The following GLCE variants were observed in gnomAD, a reference collection of about 807,000 sequenced individuals.
The protein encoded by GLCE is D-glucuronyl C5-epimerase.
A neutral mutation model predicts 47.9 loss-of-function variants in GLCE; 19 were observed. The ratio of observed to expected loss-of-function variants is 0.40; its 90% CI spans 0.28 to 0.58. The LOEUF is 0.58. GLCE is among the 20% of genes least tolerant of loss of function. The pLI is 0.48. For synonymous variants in GLCE, 245 were observed against 263.4 expected, an observed-to-expected ratio of 0.93 and a Z score of 0.68; for missense variants, 556 against 743.3, an observed-to-expected ratio of 0.75 and a Z score of 2.93.
intron 2 of GLCE, among the ~76,000 whole-genome samples, chr15:69,241,636 T>C (rs2052672993): frequency 6.6e-6 from 1 of 152,236 alleles, no homozygotes; most frequent in Non-Finnish European, 1.5e-5. Context: ...TAGTACCTAC[T>C]TTATGCATAT....
At position 69,204,394 on chromosome 15, in the gene GLCE, T is replaced by C. The variant is rs139619355; in HGVS notation, c.-104-5922T>C. On this transcript the variant is annotated intron_variant, in intron 1 of 4. Coordinates refer to ENST00000261858, the MANE Select transcript of GLCE (RefSeq NM_015554.3). ...GTCTCCCAGGCTTAAGTGATTCTCA[T>C]GACTCAGCCTCCCGAGTAGCTGGGA... Among the ~76,000 whole-genome samples the C allele has an allele frequency of 1.7e-4, 25 of 150,918 alleles. No individual in the cohort carries two copies. The Admixed American group carries it at 1.7e-3, about 10-fold the overall frequency.
chr15:69,247,765 G>A (rs2052773305), intron 2 of GLCE, among the ~76,000 whole-genome samples: 3 of 152,132 alleles, frequency 2.0e-5, no homozygotes, highest in Admixed American at 2.0e-4. Context: ...AAATAGCAAG[G>A]CCCAAGGAGA....
At chr15:69,267,042 A>G (rs1427886310) in intron 4 of GLCE, among the ~76,000 whole-genome samples, 1 of 139,620 alleles carries the variant, frequency 7.2e-6, no homozygotes, top group Non-Finnish European at 1.6e-5. Flanking sequence ...TACTACGTAT[A>G]TTTTTGTTGT....
intron 4 of GLCE, among the ~76,000 whole-genome samples, chr15:69,267,103 A>G (rs1231598464): frequency 7.2e-5 from 11 of 152,208 alleles, no homozygotes; most frequent in Non-Finnish European, 1.5e-4. Context: ...GTTTCTTGGT[A>G]GATCTAGATG....
chr15:69,236,888 G>A (rs1162726460), intron 2 of GLCE, among the ~76,000 whole-genome samples: 2 of 152,018 alleles, frequency 1.3e-5, no homozygotes, highest in Non-Finnish European at 2.9e-5. Flanking sequence ...GAATTAAGTG[G>A]GATTACATTA....
intron 1 of GLCE, among the ~76,000 whole-genome samples, chr15:69,193,526 T>C (rs1477445517): frequency 1.3e-5 from 2 of 152,150 alleles, no homozygotes; most frequent in Non-Finnish European, 2.9e-5. Flanking sequence ...TAATGATGCA[T>C]GTGATCAGGA....
rs1051996292 is a variant in GLCE at position 69,247,986 on chromosome 15, A to G, written c.-13-7808A>G. Among the ~76,000 whole-genome samples, 8 of 152,228 alleles carry G rather than the reference A, an allele frequency of 5.3e-5. No individual in the cohort carries two copies. The South Asian group carries it at 1.5e-3, about 28-fold the overall frequency. On this transcript the variant is annotated intron_variant, in intron 2 of 4. Transcript: ENST00000261858. ...AGAAATACTGTGAGAATTCAGTAAC[A>G]TAGAGCATGTCCATATATATACCCG...
At chr15:69,247,118 GA>G (rs767111517) in intron 2 of GLCE, among the ~76,000 whole-genome samples, 130 of 152,298 alleles carry the variant, frequency 8.5e-4, no homozygotes, top group Non-Finnish European at 1.5e-3. Flanking sequence ...CTGGTGCTTT[GA>G]AGCCAGGCAT....
At chr15:69,247,253 A>G (rs1006340096) in intron 2 of GLCE, among the ~76,000 whole-genome samples, 2 of 152,234 alleles carry the variant, frequency 1.3e-5, no homozygotes, top group Non-Finnish European at 2.9e-5. Flanking sequence ...GAGCTTCTGA[A>G]TAACTTGCTG....
At chr15:69,266,721 T>A (rs2140457450) in intron 4 of GLCE, 1 of 938,170 alleles carries the variant, frequency 1.1e-6, no homozygotes, top group African/African-American at 1.8e-5. Flanking sequence ...AGAACCTTTC[T>A]ATTGAATATT....
At chr15:69,183,009 A>G (rs1403262902) in intron 1 of GLCE, among the ~76,000 whole-genome samples, 1 of 152,144 alleles carries the variant, frequency 6.6e-6, no homozygotes, top group Non-Finnish European at 1.5e-5. Flanking sequence ...AGAACAAAAC[A>G]AAACAAAAAA....
intron 2 of GLCE, among the ~76,000 whole-genome samples, chr15:69,225,855 C>T (rs2052438603): frequency 6.6e-6 from 1 of 152,078 alleles, no homozygotes; most frequent in South Asian, 2.1e-4. Flanking sequence ...TTCTTAAATA[C>T]ACAGAGTTAA....
In GLCE at chr15:69,203,792, TA is replaced by T. The variant is rs753911688; in HGVS notation, c.-104-6516del. ...AATTAGTGCAGTTGCTGATTGGCTT[TA>T]AAAAAAACCCTCATATTCTTTTAAA... On this transcript the variant is annotated intron_variant, in intron 1 of 4. Transcript: ENST00000261858. 1.2e-4 allele frequency among the ~76,000 whole-genome samples: 18 copies of T among 152,002 alleles called. No individual in the cohort carries two copies. The East Asian group carries it at 2.1e-3, about 18-fold the overall frequency.
At chr15:69,201,866 A>G (rs561921181) in intron 1 of GLCE, among the ~76,000 whole-genome samples, 1 of 151,988 alleles carries the variant, frequency 6.6e-6, no homozygotes, top group East Asian at 1.9e-4. Flanking sequence ...TAAAGACTCT[A>G]AAGTGCTAAA....
At chr15:69,210,264 A>G (rs1194170585) in intron 1 of GLCE, 52 bp from the exon 2 acceptor site, 1 of 152,106 alleles carries the variant, frequency 6.6e-6, no homozygotes, top group Non-Finnish European at 1.5e-5. Flanking sequence ...TGATTACCCC[A>G]TCTTATCTGG....
chr15:69,196,265 A>G (rs1055330152), intron 1 of GLCE: 1 of 153,014 alleles, frequency 6.5e-6, no homozygotes, highest in African/African-American at 2.4e-5. Context: ...TGCAGACATA[A>G]TTGCGGTTTT....
intron 1 of GLCE, among the ~76,000 whole-genome samples, chr15:69,169,169 G>C (rs2051548200): frequency 6.6e-6 from 1 of 152,140 alleles, no homozygotes; most frequent in South Asian, 2.1e-4. Flanking sequence ...TGAGTTAGTA[G>C]TAGTAATTCT....
chr15:69,249,662 G>A (rs1388632844), intron 2 of GLCE, among the ~76,000 whole-genome samples: 2 of 152,088 alleles, frequency 1.3e-5, no homozygotes, highest in African/African-American at 4.8e-5. Flanking sequence ...CAATGTAAGT[G>A]AATATTTAAA....
intron 1 of GLCE, among the ~76,000 whole-genome samples, chr15:69,176,947 A>G (rs1427708383): frequency 6.6e-6 from 1 of 152,090 alleles, no homozygotes; most frequent in East Asian, 1.9e-4. Context: ...TAGAATCAGG[A>G]CACTCTCAAA....
Sources: allele counts gnomAD v4.1 joint callset (sites outside exome capture counted in the v4.1 genomes callset), GRCh38; gene constraint gnomAD v4.1.1; transcripts MANE v1.5; gene names NCBI Gene and HGNC (gene_info 2026-07-23, HGNC 2026-07-21).